Variants in PPP2R3C observed in about 807,000 individuals in gnomAD.
PPP2R3C encodes serine/threonine-protein phosphatase 2A regulatory subunit B'' subunit gamma.
Under a neutral mutation model 63.7 loss-of-function variants are expected in PPP2R3C, and 47 were observed. The ratio of observed to expected loss-of-function variants is 0.74; its 90% confidence interval spans 0.58 to 0.94. The LOEUF (loss-of-function observed/expected upper bound fraction) is 0.94. Ranked by LOEUF, PPP2R3C falls within the 40% of genes least tolerant of loss-of-function variation. The pLI is 0.00. For missense variants in PPP2R3C, 421 were observed against 518.4 expected, an observed-to-expected ratio of 0.81 and a Z score of 1.82; for synonymous variants, 180 against 177.4, an observed-to-expected ratio of 1.01 and a Z score of -0.12.
Position 35,091,127 on chromosome 14 carries a change from C to A in PPP2R3C, c.1056G>T (p.Leu352=), listed in dbSNP as rs772721763. The change falls in exon 11 of 13, where the codon CTG becomes CTT. Residue 352 remains leucine, a synonymous_variant. Coordinates refer to ENST00000261475, the MANE Select transcript of PPP2R3C (RefSeq NM_017917.4). ...EPAALQYIFK[L]LDIENKGYLN... ...GGTATCCTTTGTTCTCAATATCAAG[C>A]AGTTTGAAAATATATTGTAGAGCTG... 1 of 1,607,716 alleles carries A rather than the reference C, an allele frequency of 6.2e-7. No homozygotes were observed. The highest frequency in any genetic ancestry group is 8.5e-7 in the Non-Finnish European group (1 of 1,175,410).
chr14:35,086,111 G>C (rs1227775101), intron 12 of PPP2R3C: 1 of 199,514 alleles, frequency 5.0e-6, no homozygotes, highest in African/African-American at 2.3e-5. Context: ...GCAGTGTTCA[G>C]GGACTGCACG....
At chr14:35,097,592 C>T (rs2046040087) in intron 7 of PPP2R3C, among the ~76,000 whole-genome samples, 1 of 151,488 alleles carries the variant, frequency 6.6e-6, no homozygotes, top group African/African-American at 2.4e-5. Flanking sequence ...AAGCGATTCT[C>T]CTGCCTCAGC....
chr14:35,091,150 C>G lies in PPP2R3C; in HGVS notation c.1033G>C (p.Ala345Pro). Residue 345 changes from alanine to proline, a missense_variant, in exon 11 of 13, where the codon GCT becomes CCT. Ala to Pro is a conservative substitution (Grantham distance 27, BLOSUM62 -1). Coordinates refer to ENST00000261475, the MANE Select transcript of PPP2R3C (RefSeq NM_017917.4). ...LALENRKEPAALQYIFKLLDI... is the reference protein window; with the variant it reads ...LALENRKEPAPLQYIFKLLDI... ...AGCAGTTTGAAAATATATTGTAGAG[C>G]TGCAGGTTCCTTTCTGTTTTCTAAT... 1.9e-6 allele frequency: 3 copies of G among 1,609,078 alleles called. No individual in the cohort carries two copies. Among genetic ancestry groups the G allele is most frequent in the Non-Finnish European group, 2.5e-6 (3 of 1,176,690 alleles).
chr14:35,110,113 C>G (rs139068345), intron 3 of PPP2R3C, 182 bp from the exon 4 acceptor site: 1 of 537,258 alleles, frequency 1.9e-6, no homozygotes, highest in Non-Finnish European at 3.3e-6. Flanking sequence ...TGAGTGCCTA[C>G]TAAGCTTTTG....
At chr14:35,116,148 T>TA (rs2046703745) in intron 2 of PPP2R3C, among the ~76,000 whole-genome samples, 1 of 152,118 alleles carries the variant, frequency 6.6e-6, no homozygotes. Context: ...CAAAATGTTT[T>TA]ATAATAGTGA....
At chr14:35,117,740 G>A (rs983806990) in intron 1 of PPP2R3C, among the ~76,000 whole-genome samples, 1 of 151,888 alleles carries the variant, frequency 6.6e-6, no homozygotes, top group East Asian at 1.9e-4. Context: ...TGTTGCCCAG[G>A]CTGGGGCGCA....
intron 9 of PPP2R3C, among the ~76,000 whole-genome samples, chr14:35,095,987 G>A (rs992837835): frequency 6.6e-6 from 1 of 151,892 alleles, no homozygotes; most frequent in Non-Finnish European, 1.5e-5. Flanking sequence ...TCATAATGAT[G>A]CTCCTGAGTC....
At chr14:35,114,242 AT>A in intron 2 of PPP2R3C, among the ~76,000 whole-genome samples, 1 of 152,234 alleles carries the variant, frequency 6.6e-6, no homozygotes, top group Non-Finnish European at 1.5e-5. Context: ...TTCTGTTTAC[AT>A]TGTTGGGTGA....
At chr14:35,087,236 T>G (rs1379759899) in intron 12 of PPP2R3C, 1 of 152,180 alleles carries the variant, frequency 6.6e-6, no homozygotes, top group African/African-American at 2.4e-5. Flanking sequence ...AATCTTTTTG[T>G]AGTAAAATAA....
At chr14:35,107,215 AGCCT>A in intron 6 of PPP2R3C, 85 bp downstream of exon 6, 1 of 967,152 alleles carries the variant, frequency 1.0e-6, no homozygotes, top group Non-Finnish European at 1.6e-6. Context: ...TTATGAGAAC[AGCCT>A]GTAATCCCAA....
intron 3 of PPP2R3C, 190 bp from the exon 4 acceptor site, chr14:35,110,121 T>C (rs1370398069): frequency 3.8e-6 from 2 of 527,092 alleles, no homozygotes; most frequent in South Asian, 2.6e-5. Context: ...TACTAAGCTT[T>C]TGATATACAC....
upstream of PPP2R3C, chr14:35,122,119 A>C: frequency 1.5e-6 from 1 of 649,488 alleles, no homozygotes; most frequent in Non-Finnish European, 2.7e-6. Flanking sequence ...GGCAAAAACA[A>C]TTACTGTCAC....
intron 6 of PPP2R3C, among the ~76,000 whole-genome samples, chr14:35,102,901 AG>A (rs1274622260): frequency 6.6e-6 from 1 of 152,084 alleles, no homozygotes; most frequent in Admixed American, 6.6e-5. Context: ...CTGGGATTAC[AG>A]GTGCCTACCC....
chr14:35,086,401 A>G (rs2045595236), intron 12 of PPP2R3C: 1 of 150,666 alleles, frequency 6.6e-6, no homozygotes, highest in South Asian at 2.1e-4. Flanking sequence ...GTTTCACCAT[A>G]TTGGCCAGGC....
intron 5 of PPP2R3C, 198 bp downstream of exon 5, chr14:35,107,941 T>C: frequency 1.8e-6 from 1 of 546,928 alleles, no homozygotes; most frequent in Non-Finnish European, 3.0e-6. Flanking sequence ...CTATTATCTT[T>C]AAGACACATG....
chr14:35,105,473 G>A (rs981140733), intron 6 of PPP2R3C, among the ~76,000 whole-genome samples: 3 of 151,612 alleles, frequency 2.0e-5, no homozygotes, highest in African/African-American at 4.8e-5. Flanking sequence ...GAGCCACCGC[G>A]CCCAGCCAAA....
intron 6 of PPP2R3C, among the ~76,000 whole-genome samples, chr14:35,104,920 G>T (rs1385761878): frequency 6.6e-6 from 1 of 151,896 alleles, no homozygotes; most frequent in Admixed American, 6.6e-5. Context: ...TTTTAATAGA[G>T]ACAGGGTTTC....
intron 10 of PPP2R3C, 30 bp from the exon 11 acceptor site, chr14:35,091,237 G>T: frequency 6.5e-7 from 1 of 1,538,602 alleles, no homozygotes. Flanking sequence ...GTTCATTAGA[G>T]GCCTTAGTTG....
chr14:35,108,121 A>G lies in PPP2R3C; in HGVS notation c.502+18T>C. Reference sequence around the variant, plus strand: ...TGATTCCCAGATAAGGAGTTCAAGCACAGTAAAAATGAATCACCTTTTCTC... The same window carrying G: ...TGATTCCCAGATAAGGAGTTCAAGCGCAGTAAAAATGAATCACCTTTTCTC... On this transcript the variant is annotated intron_variant, in intron 5 of 12. Coordinates refer to ENST00000261475, the MANE Select transcript of PPP2R3C (RefSeq NM_017917.4). The G allele has an allele frequency of 6.2e-7, 1 of 1,605,050 alleles. No homozygotes were observed. The highest frequency in any genetic ancestry group is 8.5e-7 in the Non-Finnish European group (1 of 1,177,788).
Sources: allele counts gnomAD v4.1 joint callset (sites outside exome capture counted in the v4.1 genomes callset), GRCh38; gene constraint gnomAD v4.1.1; transcripts MANE v1.5; gene names NCBI Gene and HGNC (gene_info 2026-07-23, HGNC 2026-07-21).